Variants in FAAH2 observed in about 807,000 individuals in gnomAD.
The protein encoded by FAAH2 is fatty acid amide hydrolase 2, also known as fatty-acid amide hydrolase 2.
In FAAH2, 60 loss-of-function variants were observed where a neutral mutation model predicts 36.9. The ratio of observed to expected loss-of-function variants is 1.63; its 90% CI spans 1.32 to 2.02. The LOEUF (loss-of-function observed/expected upper bound fraction) is 2.02, where lower values mean the gene tolerates loss of function less well. Ranked by LOEUF, FAAH2 falls within the 30% of genes most tolerant of loss-of-function variation. The pLI is 0.00. For synonymous variants in FAAH2, 214 were observed against 143.8 expected (o/e 1.49, Z -3.49); for missense variants, 689 against 397.5 (o/e 1.73, Z -6.23).
chrX:57,140,869 G>A, the FAAH2 span, among the ~76,000 whole-genome samples: 4 of 111,391 alleles, frequency 3.6e-5, no homozygotes, highest in Admixed American at 3.8e-4. Context: ...ACTGCCTATC[G>A]AGTACTATGT....
At chrX:57,196,073 G>A in the FAAH2 span, among the ~76,000 whole-genome samples, 1 of 111,778 alleles carries the variant, frequency 8.9e-6, no homozygotes, top group Non-Finnish European at 1.9e-5. Flanking sequence ...GTCTTGATTA[G>A]GCTATGTGGG....
chrX:57,269,046 A>T, the FAAH2 span, among the ~76,000 whole-genome samples: 2 of 111,916 alleles, frequency 1.8e-5, no homozygotes, highest in Admixed American at 9.5e-5. Context: ...AAAATCTATC[A>T]AGAAAATGAA....
chrX:57,218,996 C>A, the FAAH2 span, among the ~76,000 whole-genome samples: 12 of 112,016 alleles, frequency 1.1e-4, no homozygotes, highest in Non-Finnish European at 2.3e-4. Context: ...GGCCCAGTCC[C>A]AAGGCGCAAG....
chrX:57,334,585 C>A (rs1051944933), intron 4 of FAAH2, among the ~76,000 whole-genome samples: 11 of 110,081 alleles, frequency 1.0e-4, no homozygotes, highest in Non-Finnish European at 1.5e-4. Context: ...TTATTGATTG[C>A]TGTAACATGT....
At chrX:57,474,523 G>A (rs2057229494) in intron 10 of FAAH2, among the ~76,000 whole-genome samples, 1 of 111,553 alleles carries the variant, frequency 9.0e-6, no homozygotes, top group Non-Finnish European at 1.9e-5. Flanking sequence ...CCATGTTCCT[G>A]AAAAAGACAA....
intron 7 of FAAH2, among the ~76,000 whole-genome samples, chrX:57,429,338 C>CAAA (rs34604723): frequency 3.8e-5 from 2 of 53,128 alleles, no homozygotes; most frequent in African/African-American, 8.2e-5. Context: ...GATTCCATCT[C>CAAA]AAAAAAAAAA....
chrX:57,242,758 A>C, the FAAH2 span, among the ~76,000 whole-genome samples: 3 of 112,378 alleles, frequency 2.7e-5, no homozygotes, highest in African/African-American at 9.7e-5. Context: ...TGGTCTTTGC[A>C]ACCCACAGAC....
At chrX:57,125,379 T>C in the FAAH2 span, among the ~76,000 whole-genome samples, 1 of 111,982 alleles carries the variant, frequency 8.9e-6, no homozygotes, top group East Asian at 2.8e-4. Flanking sequence ...TTTAAAGCTG[T>C]GGTTAACTGT....
rs1042351307 is a variant in FAAH2, at chrX:57,446,835, A to G, written c.1117-93A>G. ...ATTGACTGGTATTTTACTGTTATGA[A>G]TGATTATTCATATATAAGTCTTGTA... On this transcript the variant is annotated intron_variant, in intron 8 of 10. Coordinates refer to ENST00000374900, the MANE Select transcript of FAAH2 (RefSeq NM_174912.4). 5.8e-6 allele frequency: 3 copies of G among 513,755 alleles called. No individual in the cohort carries two copies. The South Asian group carries it at 1.1e-4, about 20-fold the overall frequency. 42.3% of individuals were successfully genotyped at this position (513,755 alleles called of 1,213,427 possible).
the FAAH2 span, among the ~76,000 whole-genome samples, chrX:57,182,932 A>G: frequency 1.8e-5 from 2 of 111,232 alleles, no homozygotes; most frequent in African/African-American, 6.6e-5. Context: ...CTAGAAAACT[A>G]ATGCAGAAAC....
intron 10 of FAAH2, among the ~76,000 whole-genome samples, chrX:57,483,113 T>G (rs953540022): frequency 1.8e-5 from 2 of 111,838 alleles, no homozygotes; most frequent in African/African-American, 6.5e-5. Flanking sequence ...CAAGGTTGTT[T>G]ATGTTTTTCT....
chrX:57,329,012 G>T (rs1351672467), intron 3 of FAAH2, among the ~76,000 whole-genome samples: 1 of 111,813 alleles, frequency 8.9e-6, no homozygotes, highest in Non-Finnish European at 1.9e-5. Context: ...GTAAGTGCCA[G>T]CCAAAGAACT....
At chrX:57,295,317 A>G (rs180820305) in intron 2 of FAAH2, among the ~76,000 whole-genome samples, 5 of 112,429 alleles carry the variant, frequency 4.4e-5, no homozygotes, top group Non-Finnish European at 5.6e-5. Flanking sequence ...CAATGGTGTC[A>G]GGAACAGCAG....
chrX:57,241,052 G>A, the FAAH2 span, among the ~76,000 whole-genome samples: 1 of 112,087 alleles, frequency 8.9e-6, no homozygotes, highest in Non-Finnish European at 1.9e-5. Flanking sequence ...AAACCTCTGA[G>A]TCCCATGCAG....
chrX:57,163,446 G>T, the FAAH2 span, among the ~76,000 whole-genome samples: 1 of 111,829 alleles, frequency 8.9e-6, no homozygotes, highest in South Asian at 3.7e-4. Context: ...AATGGAGGGC[G>T]CCCCTCCCCC....
At chrX:57,246,551 C>T in the FAAH2 span, among the ~76,000 whole-genome samples, 16 of 111,929 alleles carry the variant, frequency 1.4e-4, no homozygotes, top group Non-Finnish European at 2.3e-4. Flanking sequence ...CCCTGGGATG[C>T]AAGGCTGGTA....
chrX:57,439,514 A>G, intron 8 of FAAH2, among the ~76,000 whole-genome samples: 1 of 111,421 alleles, frequency 9.0e-6, no homozygotes, highest in South Asian at 3.8e-4. Context: ...CCTTTGTCAG[A>G]TGAGTAGGTT....
the FAAH2 span, among the ~76,000 whole-genome samples, chrX:57,221,951 C>T: frequency 9.0e-6 from 1 of 110,603 alleles, no homozygotes; most frequent in Non-Finnish European, 1.9e-5. Flanking sequence ...TGATCTGCTC[C>T]TGTGTAGCCC....
intron 7 of FAAH2, among the ~76,000 whole-genome samples, chrX:57,431,471 T>C (rs906615758): frequency 1.8e-5 from 2 of 111,806 alleles, no homozygotes; most frequent in Non-Finnish European, 3.8e-5. Context: ...ATCATTCCAG[T>C]TAGTATTCCA....
Sources: allele counts gnomAD v4.1 joint callset (sites outside exome capture counted in the v4.1 genomes callset), GRCh38; gene constraint gnomAD v4.1.1; transcripts MANE v1.5; gene names NCBI Gene and HGNC (gene_info 2026-07-23, HGNC 2026-07-21).